NCOR2: variants seen among roughly 807,000 people sequenced by gnomAD.
NCOR2 encodes the protein nuclear receptor corepressor 2.
Under a neutral mutation model 262.9 loss-of-function variants are expected in NCOR2, and 81 were observed. The observed-to-expected ratio is 0.31, with a 90% CI of 0.26 to 0.37. NCOR2 has a LOEUF of 0.37. Among genes scored for constraint, NCOR2 ranks in the 10% least tolerant of loss-of-function variants. The pLI is 1.00. For missense variants in NCOR2, 3,385 were observed against 3,621.4 expected (o/e 0.93, Z 1.68); for synonymous variants, 1,659 against 1,559.3 (o/e 1.06, Z -1.51).
In NCOR2 at chr12:124,440,724, TAAATG is replaced by T. The variant is rs1360347353; in HGVS notation, c.816-2733_816-2729del. 6.6e-6 allele frequency among the ~76,000 whole-genome samples: 1 copy of T among 152,068 alleles called. No homozygotes were observed. The highest frequency in any genetic ancestry group is 1.5e-5 in the Non-Finnish European group (1 of 67,998). Reference sequence around the variant, plus strand: ...CAAGATAATCCTGGATTTGGGAACTTAAATGGAATGGTGGGCTAGTGGGTGCTGGG... The same window carrying T: ...CAAGATAATCCTGGATTTGGGAACTTGAATGGTGGGCTAGTGGGTGCTGGG... On this transcript the variant is annotated intron_variant, in intron 7 of 46. Coordinates refer to ENST00000405201, the Ensembl canonical transcript of NCOR2. The surrounding 1 kb of genome is among the most constrained non-coding windows in gnomAD (Gnocchi z 5.7).
chr12:124,400,643 G>T, exon 15 of NCOR2: 1 of 1,614,182 alleles, frequency 6.2e-7, no homozygotes, highest in South Asian at 1.1e-5. Context: ...TCTCGTCGTT[G>T]TCCTCCCCTG....
intron 20 of NCOR2, among the ~76,000 whole-genome samples, chr12:124,370,839 C>T (rs1795260007): frequency 1.3e-5 from 2 of 152,180 alleles, no homozygotes; most frequent in African/African-American, 4.8e-5. Context: ...ACACTGGGGT[C>T]CTCCAGGCCA....
At chr12:124,558,446 ACT>A (rs1025220185) in intron 1 of NCOR2, among the ~76,000 whole-genome samples, 8 of 152,066 alleles carry the variant, frequency 5.3e-5, no homozygotes, top group African/African-American at 1.9e-4. Context: ...AGGTCAAGTC[ACT>A]CTAGCTGCTG....
At chr12:124,399,961 G>T (rs2041909104) in intron 15 of NCOR2, among the ~76,000 whole-genome samples, 1 of 152,172 alleles carries the variant, frequency 6.6e-6, no homozygotes, top group Non-Finnish European at 1.5e-5. Context: ...TACAAAACCA[G>T]ATGCCTACCA....
At chr12:124,354,644 C>T (rs1379070768) in intron 25 of NCOR2, 62 bp from the exon 28 acceptor site, 1 of 1,424,298 alleles carries the variant, frequency 7.0e-7, no homozygotes, top group Non-Finnish European at 9.3e-7. Context: ...GAGGCTTGTC[C>T]CCACCCAACC....
intron 1 of NCOR2, among the ~76,000 whole-genome samples, chr12:124,494,385 A>G (rs2048264728): frequency 6.6e-6 from 1 of 152,222 alleles, no homozygotes. Flanking sequence ...GAGACATGGT[A>G]TACAGCAAGC....
At chr12:124,501,199 A>G (rs899819813) in intron 1 of NCOR2, among the ~76,000 whole-genome samples, 11 of 151,616 alleles carry the variant, frequency 7.3e-5, no homozygotes, top group African/African-American at 2.4e-4. Flanking sequence ...CCGTGCCTCC[A>G]CTGTCCCAGC....
At chr12:124,335,567 G>GCTC in exon 39 of NCOR2, 1 of 1,609,574 alleles carries the variant, frequency 6.2e-7, no homozygotes, top group South Asian at 1.1e-5. Context: ...TCGTGGGTCA[G>GCTC]ACTGGGTGAG....
rs375559461 is a variant in NCOR2, at chr12:124,346,635, G to A, written c.4288C>T (p.Arg1430Cys). The change falls in exon 31 of 47, where the codon CGC becomes TGC. Residue 1430 changes from arginine to cysteine, a missense_variant. Transcript: ENST00000405201. ...TCGGGCGTGTGCCGCAGCTCCTCGC[G>A]CGGGATCTCATGGATGGAGCGGCCC... The A allele has an allele frequency of 2.1e-5, 33 of 1,595,132 alleles. No homozygotes were observed. The highest frequency in any genetic ancestry group is 4.5e-5 in the East Asian group (2 of 44,514).
chr12:124,515,691 G>A (rs1406798483), intron 1 of NCOR2, among the ~76,000 whole-genome samples: 6 of 151,924 alleles, frequency 3.9e-5, no homozygotes, highest in South Asian at 2.1e-4. Context: ...GCGAGTATGC[G>A]TGTGCATGTT....
intron 13 of NCOR2, among the ~76,000 whole-genome samples, chr12:124,410,266 C>T (rs1279569642): frequency 1.3e-5 from 2 of 149,426 alleles, no homozygotes; most frequent in Admixed American, 6.7e-5. Flanking sequence ...ATGCGATCGC[C>T]CCTGCACTGC....
At chr12:124,530,925 A>T (rs1242636374) in intron 1 of NCOR2, among the ~76,000 whole-genome samples, 1 of 152,156 alleles carries the variant, frequency 6.6e-6, no homozygotes, top group Non-Finnish European at 1.5e-5. Flanking sequence ...TGACAAACAC[A>T]ACACACTTCC....
At chr12:124,420,105 A>G in intron 12 of NCOR2, 50 bp from the exon 15 acceptor site, 2 of 1,505,278 alleles carry the variant, frequency 1.3e-6, no homozygotes, top group Non-Finnish European at 1.8e-6. Flanking sequence ...ACAGGCATTC[A>G]GGGCAGGAGC....
At chr12:124,335,270 C>A in exon 40 of NCOR2, 5 of 1,600,572 alleles carry the variant, frequency 3.1e-6, no homozygotes, top group Non-Finnish European at 4.3e-6. Context: ...CCCCGCCAAG[C>A]TTCACGGGGC....
chr12:124,487,873 T>TAAAAAAAAAAAAAAAAAAA (rs3040836), intron 1 of NCOR2, among the ~76,000 whole-genome samples: 1 of 137,666 alleles, frequency 7.3e-6, no homozygotes, highest in Non-Finnish European at 1.5e-5. Context: ...AAACTGTGTT[T>TAAAAAAAAAAAAAAAAAAA]AAAAAAAAAA....
At chr12:124,405,525 G>A (rs941682437) in intron 13 of NCOR2, among the ~76,000 whole-genome samples, 3 of 152,238 alleles carry the variant, frequency 2.0e-5, no homozygotes, top group Admixed American at 6.5e-5. Context: ...TGCAGCCCAC[G>A]CTGAGTGAGT....
At chr12:124,422,421 A>T in intron 12 of NCOR2, 80 bp downstream of exon 14, 1 of 1,552,508 alleles carries the variant, frequency 6.4e-7, no homozygotes, top group Non-Finnish European at 8.8e-7. Context: ...GTGGGCAAGG[A>T]GGGAGGGCCT....
intron 7 of NCOR2, 84 bp downstream of exon 9, chr12:124,449,731 C>T (rs970521812): frequency 5.6e-5 from 84 of 1,496,914 alleles, no homozygotes; most frequent in South Asian, 8.1e-5. Context: ...AGAGAGCCCA[C>T]GTCCCACATC....
intron 1 of NCOR2, among the ~76,000 whole-genome samples, chr12:124,533,433 C>G (rs980480920): frequency 8.5e-5 from 13 of 152,146 alleles, no homozygotes; most frequent in African/African-American, 2.9e-4. Flanking sequence ...CTCAGGGAGG[C>G]CTACCCTGAC....
Sources: gnomAD v4.1 joint callset for allele counts (sites outside exome capture counted in the v4.1 genomes callset) on GRCh38, gnomAD v4.1.1 for gene constraint, Gnocchi (gnomAD v3.1) non-coding constraint, MANE v1.5 for transcripts, NCBI Gene and HGNC (gene_info 2026-07-23, HGNC 2026-07-21) for gene names.